KRT33B: variants seen among roughly 807,000 people sequenced by gnomAD.
The protein encoded by KRT33B is keratin 33B.
KRT33B carries 37 observed loss-of-function variants against 42.7 expected under a neutral mutation model. The observed-to-expected ratio is 0.87, with a 90% CI of 0.67 to 1.14. The LOEUF is 1.14. Among genes scored for constraint, KRT33B ranks in the 50% most tolerant of loss-of-function variants. KRT33B has a pLI of 0.00. For synonymous variants in KRT33B, 237 were observed against 221.2 expected, an observed-to-expected ratio of 1.07 and a Z score of -0.63; for missense variants, 523 against 515.1, an observed-to-expected ratio of 1.02 and a Z score of -0.15.
rs1407197632 is a variant in KRT33B, at chr17:41,363,828, C to A, written c.*8G>T. ...CTTCATGCTATACTTCTGCTGGCCC[C>A]AGGGTATCTAGTACCCAAAGGTGTT... is the stretch of plus-strand genomic sequence containing the variant. On this transcript the variant is annotated 3_prime_UTR_variant, in exon 7 of 7. Transcript: ENST00000251646. 1 of 1,564,572 alleles carries A rather than the reference C, an allele frequency of 6.4e-7. No individual in the cohort carries two copies. The highest frequency in any genetic ancestry group is 1.7e-5 in the Admixed American group (1 of 59,076).
chr17:41,367,810 T>C, intron 2 of KRT33B, 98 bp downstream of exon 2: 8 of 1,046,708 alleles, frequency 7.6e-6, no homozygotes, highest in African/African-American at 1.6e-5. Context: ...ATCCTCCCAA[T>C]AGAAATTTCT....
rs770330642 is a variant in KRT33B, at chr17:41,367,912, T to C, written c.427A>G (p.Thr143Ala). The change falls in exon 2 of 7, where the codon ACC becomes GCC. Residue 143 changes from threonine (T) to alanine (A), a missense_variant. Physicochemically the swap from Thr to Ala is moderately conservative, Grantham distance 58. Coordinates refer to ENST00000251646, the MANE Select transcript of KRT33B (RefSeq NM_002279.5). ...NAKLAADDFR[T>A]KYQTEQSLRQ... is the part of the protein sequence containing the mutation. ...TGATGGTTAGGAAAATCTTACTTGG[T>C]TCTGAAGTCATCTGCAGCCAGCTTG... The C allele has an allele frequency of 1.2e-6, 2 of 1,612,858 alleles. No individual in the cohort carries two copies. Among genetic ancestry groups the C allele is most frequent in the Admixed American group, 1.7e-5 (1 of 59,982 alleles).
Position 41,363,932 on chromosome 17 carries a change from G to T in KRT33B, c.1119C>A (p.Ala373=), listed in dbSNP as rs867060293. ...EDCKLPSNPC[A]TTNACEKPIG... ...TGGGCTTTTCACATGCATTGGTGGTGGCGCAGGGGTTGGAGGGCAGCCTGG... is the reference window on the plus strand; with the variant it reads ...TGGGCTTTTCACATGCATTGGTGGTTGCGCAGGGGTTGGAGGGCAGCCTGG... The change falls in exon 7 of 7, where the codon GCC becomes GCA. Residue 373 remains alanine, a synonymous_variant. Coordinates refer to ENST00000251646, the MANE Select transcript of KRT33B (RefSeq NM_002279.5). 6.2e-7 allele frequency: 1 copy of T among 1,611,094 alleles called. No individual in the cohort carries two copies. The highest frequency in any genetic ancestry group is 1.7e-5 in the Admixed American group (1 of 59,824).
chr17:41,367,231 T>A (rs555795624), intron 2 of KRT33B, among the ~76,000 whole-genome samples: 1 of 151,402 alleles, frequency 6.6e-6, no homozygotes, highest in South Asian at 2.1e-4. Context: ...CCTAAAAGTA[T>A]TGATTGATTC....
At chr17:41,366,717 T>C (rs2017706779) in intron 2 of KRT33B, 91 bp from the exon 3 acceptor site, 2 of 1,216,390 alleles carry the variant, frequency 1.6e-6, no homozygotes, top group South Asian at 1.6e-5. Context: ...AATTTTATTA[T>C]ATTTTGAAAT....
At position 41,367,573 on chromosome 17, in the gene KRT33B, G is replaced by A. The variant is rs901452763; in HGVS notation, c.431+335C>T. Among the ~76,000 whole-genome samples the A allele has an allele frequency of 4.0e-5, 6 of 151,252 alleles. 1 individual carries two copies. The highest frequency in any genetic ancestry group is 1.9e-4 in the East Asian group (1 of 5,174). ...ATAAAAATTAGCTGGGCCTGCTGGC[G>A]CATGCCTGTAATCCCAGCTACGAGG... is the stretch of plus-strand genomic sequence containing the variant. On this transcript the variant is annotated intron_variant, in intron 2 of 6. Coordinates refer to ENST00000251646, the MANE Select transcript of KRT33B (RefSeq NM_002279.5).
rs1229277941 is a variant in KRT33B at position 41,363,600 on chromosome 17, A to G, written c.*236T>C. ...CTCGTATGCCACTGTCACAGCTCCA[A>G]CCTCTGACCATCAGAACTCAGACTG... On this transcript the variant is annotated 3_prime_UTR_variant, in exon 7 of 7. Coordinates refer to ENST00000251646, the MANE Select transcript of KRT33B (RefSeq NM_002279.5). The G allele has an allele frequency of 7.6e-6, 3 of 396,526 alleles. No homozygotes were observed. Among genetic ancestry groups the G allele is most frequent in the Non-Finnish European group, 1.3e-5 (3 of 224,354 alleles). The allele number at this position is 396,526 out of a possible 1,614,324, so 24.6% of individuals were successfully genotyped here.
At chr17:41,368,187 G>A (rs1208061826) in intron 1 of KRT33B, among the ~76,000 whole-genome samples, 197 bp from the exon 2 acceptor site, 1 of 151,316 alleles carries the variant, frequency 6.6e-6, no homozygotes, top group Admixed American at 6.6e-5. Flanking sequence ...AATTCATCAT[G>A]AATTCTATTC....
intron 1 of KRT33B, among the ~76,000 whole-genome samples, chr17:41,369,179 A>G (rs1228247210): frequency 6.6e-6 from 1 of 151,240 alleles, no homozygotes; most frequent in African/African-American, 2.5e-5. Flanking sequence ...GATTGCTATG[A>G]CTGATTTTGG....
rs2017687168 is a variant in KRT33B at position 41,365,443 on chromosome 17, C to T, written c.699G>A (p.Glu233=). ...CCCTGCGGTTGGTTTCCACCAGGGC[C>T]TCATACTGATTCCTGGTCTCGTTCA... The part of the protein sequence containing the change: ...QVLNETRNQY[E]ALVETNRREV... Residue 233 remains glutamate, a synonymous_variant, in exon 4 of 7, where the codon GAG becomes GAA. Transcript: ENST00000251646. 1.2e-6 allele frequency: 2 copies of T among 1,612,930 alleles called. No individual in the cohort carries two copies. The highest frequency in any genetic ancestry group is 2.7e-5 in the African/African-American group (2 of 73,896).
chr17:41,366,461 GA>G lies in KRT33B; in HGVS notation c.588+8del. 6.2e-7 allele frequency: 1 copy of G among 1,611,646 alleles called. No homozygotes were observed. Among genetic ancestry groups the G allele is most frequent in the Non-Finnish European group, 8.5e-7 (1 of 1,179,974 alleles). On this transcript the variant is annotated splice_region_variant and intron_variant, in intron 3 of 6. Coordinates refer to ENST00000251646, the MANE Select transcript of KRT33B (RefSeq NM_002279.5). Reference sequence around the variant, plus strand: ...TCAGTATTGGGATATTGGGGGCTGGGACTCTTACCTGCTCATGGTTCTGCTT... The same window carrying G: ...TCAGTATTGGGATATTGGGGGCTGGGCTCTTACCTGCTCATGGTTCTGCTT...
intron 2 of KRT33B, among the ~76,000 whole-genome samples, chr17:41,366,874 G>A (rs529537232): frequency 9.9e-5 from 15 of 151,352 alleles, no homozygotes; most frequent in Non-Finnish European, 1.6e-4. Flanking sequence ...TAAGACTCTC[G>A]TTTACAAGTT....
Position 41,363,662 on chromosome 17 carries a change from T to C in KRT33B, c.*174A>G. ...GGGACCTGGGGTGAGGAGGATCAAG[T>C]AGCCCTAGGCTCAGAGTCAGACCCA... is the stretch of plus-strand genomic sequence containing the variant. On this transcript the variant is annotated 3_prime_UTR_variant, in exon 7 of 7. Transcript: ENST00000251646. 2.0e-6 allele frequency: 1 copy of C among 508,782 alleles called. No individual in the cohort carries two copies. The highest frequency in any genetic ancestry group is 3.6e-5 in the South Asian group (1 of 27,872). The allele number at this position is 508,782 out of a possible 1,614,324, so 31.5% of individuals were successfully genotyped here. A position where few individuals can be genotyped will look rare whatever the true frequency, so the allele number is the denominator to read the frequency against.
chr17:41,368,705 T>G (rs2017734906), intron 1 of KRT33B, among the ~76,000 whole-genome samples: 1 of 151,332 alleles, frequency 6.6e-6, no homozygotes, highest in Non-Finnish European at 1.5e-5. Flanking sequence ...TACAGAACAG[T>G]GGGCAGTCAA....
chr17:41,365,512 G>A lies in KRT33B; in HGVS notation c.630C>T (p.Asn210=), dbSNP rs778778969. The A allele has an allele frequency of 5.6e-6, 9 of 1,612,304 alleles. No homozygotes were observed. The highest frequency in any genetic ancestry group is 2.2e-5 in the East Asian group (1 of 44,898). The change falls in exon 4 of 7, where the codon AAC becomes AAT. Residue 210 remains asparagine (N), a synonymous_variant. Coordinates refer to ENST00000251646, the MANE Select transcript of KRT33B (RefSeq NM_002279.5). ...TLRCQLGDRL[N]VEVDAAPAVD... ...CAGCGGGAGCAGCGTCCACCTCCAC[G>A]TTGAGGCGGTCTCCAAGCTGGCAGC...
At position 41,364,791 on chromosome 17, in the gene KRT33B, C is replaced by A. The variant is rs749149949; in HGVS notation, c.1085G>T (p.Ser362Ile). ...EINTYRSLLESEDCKLPSNPC... is the reference protein window; with the variant it reads ...EINTYRSLLEIEDCKLPSNPC... ...GCCAGGTACTCACTTGCAGTCCTCG[C>A]TCTCCAGCAGGCTCCGGTATGTGTT... Residue 362 changes from serine (S) to isoleucine (I), a missense_variant, in exon 6 of 7, where the codon AGC (serine) becomes ATC (isoleucine). Coordinates refer to ENST00000251646, the MANE Select transcript of KRT33B (RefSeq NM_002279.5). The A allele has an allele frequency of 5.6e-6, 9 of 1,612,698 alleles. No individual in the cohort carries two copies. Among genetic ancestry groups the A allele is most frequent in the Non-Finnish European group, 7.6e-6 (9 of 1,179,966 alleles).
chr17:41,368,845 T>A (rs2017736959), intron 1 of KRT33B, among the ~76,000 whole-genome samples: 1 of 151,290 alleles, frequency 6.6e-6, no homozygotes, highest in South Asian at 2.1e-4. Context: ...CAATTCTCTG[T>A]GGACTCTTTA....
chr17:41,364,335 C>A (rs1567670240), intron 6 of KRT33B, among the ~76,000 whole-genome samples: 2 of 151,332 alleles, frequency 1.3e-5, no homozygotes, highest in South Asian at 2.1e-4. Flanking sequence ...GATCATCAAC[C>A]CTATTGACAC....
chr17:41,364,922 G>A lies in KRT33B; in HGVS notation c.954C>T (p.Ile318=), dbSNP rs1339075393. Residue 318 remains isoleucine (I), a synonymous_variant, in exon 6 of 7, where the codon ATC becomes ATT. Coordinates refer to ENST00000251646, the MANE Select transcript of KRT33B (RefSeq NM_002279.5). ...CCGCCAGCTGGGACTCCACGTTGGTGATCAGGCTCTGCACCTGGGACAGCT... is the reference window on the plus strand; with the variant it reads ...CCGCCAGCTGGGACTCCACGTTGGTAATCAGGCTCTGCACCTGGGACAGCT... ...SSQLSQVQSL[I]TNVESQLAEI... The A allele has an allele frequency of 1.1e-5, 18 of 1,613,334 alleles. No homozygotes were observed. Among genetic ancestry groups the A allele is most frequent in the African/African-American group, 2.7e-5 (2 of 74,164 alleles).
Sources: gnomAD v4.1 joint callset for allele counts (sites outside exome capture counted in the v4.1 genomes callset) on GRCh38, gnomAD v4.1.1 for gene constraint, MANE v1.5 for transcripts, NCBI Gene and HGNC (gene_info 2026-07-23, HGNC 2026-07-21) for gene names.